Variants in KNTC1 observed in about 807,000 individuals in gnomAD.
The protein encoded by KNTC1 is kinetochore-associated protein 1.
KNTC1 carries 253 observed loss-of-function variants against 314.4 expected under a neutral mutation model. The observed-to-expected ratio is 0.80, with a 90% CI of 0.73 to 0.89. The LOEUF is 0.89. Among genes scored for constraint, KNTC1 ranks in the 40% least tolerant of loss-of-function variants. The probability of loss-of-function intolerance (pLI) is 0.00; values close to 1 mark genes in which losing one functional copy is unlikely to be tolerated. For synonymous variants in KNTC1, 901 were observed against 901.4 expected (o/e 1.00, Z 0.01); for missense variants, 2,475 against 2,572.9 (o/e 0.96, Z 0.82).
At chr12:122,621,814 C>T in intron 60 of KNTC1, 67 bp from the exon 61 acceptor site, 1 of 1,023,372 alleles carries the variant, frequency 9.8e-7, no homozygotes, top group South Asian at 1.4e-5. Context: ...AATACCTGAT[C>T]AACGGCTCTT....
Position 122,575,853 on chromosome 12 carries a change from G to A in KNTC1, c.2540G>A (p.Arg847Gln), listed in dbSNP as rs769739544. 9.9e-6 allele frequency: 16 copies of A among 1,613,448 alleles called. No homozygotes were observed. Among genetic ancestry groups the A allele is most frequent in the Admixed American group, 1.7e-5 (1 of 59,942 alleles). The change falls in exon 29 of 64, where the codon CGA becomes CAA. Residue 847 changes from arginine (R) to glutamine (Q), a missense_variant. By Grantham distance (43) the Arg-to-Gln change is conservative. Transcript: ENST00000333479. ...YKLMEMKKLLRGYGIREVNLL... is the reference protein window; with the variant it reads ...YKLMEMKKLLQGYGIREVNLL... ...CTAATGGAGATGAAAAAACTTTTAC[G>A]AGGCTATGGAATAAGAGAGGTAAAT...
intron 63 of KNTC1, among the ~76,000 whole-genome samples, chr12:122,624,975 G>A (rs567187579): frequency 6.6e-6 from 1 of 152,250 alleles, no homozygotes; most frequent in South Asian, 2.1e-4. Flanking sequence ...TTCCTCATAA[G>A]GTGGTGTTTT....
At chr12:122,573,088 A>G (rs916797884) in intron 25 of KNTC1, 32 bp downstream of exon 25, 37 of 1,613,196 alleles carry the variant, frequency 2.3e-5, no homozygotes, top group Non-Finnish European at 3.0e-5. Flanking sequence ...ATTATTTTGT[A>G]TATCAAGTTA....
chr12:122,607,194 G>A (rs533421439), intron 51 of KNTC1, among the ~76,000 whole-genome samples: 3 of 152,218 alleles, frequency 2.0e-5, no homozygotes, highest in Middle Eastern at 6.8e-3. Context: ...CTCCCAAGTA[G>A]CTGGGATTAC....
intron 1 of KNTC1, among the ~76,000 whole-genome samples, chr12:122,527,852 C>G (rs1295984576): frequency 1.3e-5 from 2 of 152,192 alleles, no homozygotes; most frequent in African/African-American, 4.8e-5. Context: ...GGTCTCAGCT[C>G]AGATGTCACC....
At chr12:122,608,045 C>A (rs1476333851) in intron 51 of KNTC1, among the ~76,000 whole-genome samples, 1 of 152,142 alleles carries the variant, frequency 6.6e-6, no homozygotes, top group African/African-American at 2.4e-5. Context: ...ATTCCTATAT[C>A]CACCTAGGCA....
rs563043735 is a variant in KNTC1, at chr12:122,535,164, T to C, written c.250+380T>C. On this transcript the variant is annotated intron_variant, in intron 3 of 63. Transcript: ENST00000333479. ...AATTAATAGCTCTCTAAAAATCCTT[T>C]AACATACTTATGAATTAATTCTTCA... is the stretch of plus-strand genomic sequence containing the variant. Among the ~76,000 whole-genome samples the C allele has an allele frequency of 3.3e-5, 5 of 152,346 alleles. No homozygotes were observed. The South Asian group carries it at 1.0e-3, about 32-fold the overall frequency.
chr12:122,616,718 C>G (rs1380451905), intron 57 of KNTC1, among the ~76,000 whole-genome samples: 5 of 152,134 alleles, frequency 3.3e-5, no homozygotes, highest in African/African-American at 1.2e-4. Flanking sequence ...ACATGTAGAT[C>G]TATCTAATTG....
chr12:122,540,108 A>G (rs1367955101), intron 5 of KNTC1, among the ~76,000 whole-genome samples: 1 of 151,608 alleles, frequency 6.6e-6, no homozygotes, highest in South Asian at 2.1e-4. Flanking sequence ...CTAATATCCA[A>G]TCAAAAATTC....
intron 8 of KNTC1, 67 bp from the exon 9 acceptor site, chr12:122,546,109 C>G: frequency 1.1e-6 from 1 of 892,874 alleles, no homozygotes; most frequent in Non-Finnish European, 1.9e-6. Context: ...TTACATGTTT[C>G]TACTTTGAGG....
chr12:122,583,007 T>C, intron 34 of KNTC1, 22 bp downstream of exon 34: 1 of 1,580,648 alleles, frequency 6.3e-7, no homozygotes. Flanking sequence ...GATCCCTGAA[T>C]TGCATAGCTT....
At chr12:122,563,065 A>G (rs1047340499) in intron 20 of KNTC1, among the ~76,000 whole-genome samples, 8 of 152,014 alleles carry the variant, frequency 5.3e-5, no homozygotes, top group African/African-American at 1.7e-4. Context: ...TTGGAATGTC[A>G]TAACAGGTAT....
At chr12:122,528,297 C>CA in intron 1 of KNTC1, among the ~76,000 whole-genome samples, 1 of 152,312 alleles carries the variant, frequency 6.6e-6, no homozygotes, top group Non-Finnish European at 1.5e-5. Flanking sequence ...CTCTATTCTC[C>CA]AAACATGTTT....
chr12:122,534,715 A>G lies in KNTC1; in HGVS notation c.181A>G (p.Ile61Val), dbSNP rs139484580. The change falls in exon 3 of 64, where the codon ATT becomes GTT. Residue 61 changes from isoleucine to valine, a missense_variant. Physicochemically the swap from Ile to Val is conservative, Grantham distance 29. Transcript: ENST00000333479. ...ATGCAGCTTAAGTGATGGGTTTATT[A>G]TTGTAGCCGACCAATCAGTGATATT... ...QACSLSDGFI[I>V]VADQSVILLD... is the part of the protein sequence containing the mutation. 3.9e-4 allele frequency: 623 copies of G among 1,611,134 alleles called. No homozygotes were observed. In the African/African-American group the frequency reaches 7.2e-3, roughly 19 times the overall value.
In KNTC1 at chr12:122,594,384, A is replaced by G; in HGVS notation, c.4354A>G (p.Ser1452Gly). 6.6e-7 allele frequency: 1 copy of G among 1,510,762 alleles called. No homozygotes were observed. Among genetic ancestry groups the G allele is most frequent in the Non-Finnish European group, 9.2e-7 (1 of 1,091,462 alleles). The allele number at this position is 1,510,762 out of a possible 1,614,324, so 93.6% of individuals were successfully genotyped here. A position where few individuals can be genotyped will look rare whatever the true frequency, so the allele number is the denominator to read the frequency against. ...CACAAGCCTCATTTTGGAATATTGC[A>G]GGTAATTCTTTAAACATTAACGGTA... ...MDTSLILEYCSTFQLDCDAVL... is the reference protein window; with the variant it reads ...MDTSLILEYCGTFQLDCDAVL... The change falls in exon 43 of 64, where the codon AGC becomes GGC. Residue 1452 changes from serine to glycine, a missense_variant and splice_region_variant. By Grantham distance (56) the Ser-to-Gly change is moderately conservative. Transcript: ENST00000333479.
chr12:122,531,925 G>A (rs1304074844), intron 2 of KNTC1, among the ~76,000 whole-genome samples: 2 of 151,760 alleles, frequency 1.3e-5, no homozygotes, highest in Non-Finnish European at 2.9e-5. Flanking sequence ...AGTAGAGACG[G>A]GGTTTCACCA....
chr12:122,603,047 C>G lies in KNTC1; in HGVS notation c.4905C>G (p.Tyr1635Ter), dbSNP rs1419058716. 2 of 1,613,490 alleles carry G rather than the reference C, an allele frequency of 1.2e-6. No individual in the cohort carries two copies. The highest frequency in any genetic ancestry group is 1.3e-5 in the African/African-American group (1 of 75,022). The stretch of plus-strand genomic sequence containing the variant: ...TGAAGTTCTCTCTGGACACTCTGTA[C>G]GTGTCTACAGCAAAACACGTTTTCG... Reference protein sequence around the residue: ...KLMKFSLDTLYVSTAKHVFEK... With the variant: ...KLMKFSLDTL The change falls in exon 48 of 64, where the codon TAC becomes TAG. Residue 1635 changes from tyrosine to a stop codon, truncating the protein, a stop_gained. Coordinates refer to ENST00000333479, the MANE Select transcript of KNTC1 (RefSeq NM_014708.6). LOFTEE classifies it high-confidence loss of function.
intron 6 of KNTC1, among the ~76,000 whole-genome samples, chr12:122,543,256 G>A (rs936598853): frequency 1.3e-5 from 2 of 152,120 alleles, no homozygotes; most frequent in East Asian, 1.9e-4. Context: ...CCTGTGCTAC[G>A]TCTTGGGTAT....
intron 48 of KNTC1, 39 bp downstream of exon 48, chr12:122,603,282 A>AG: frequency 7.4e-7 from 1 of 1,354,626 alleles, no homozygotes. Context: ...TAAAAAAAAA[A>AG]AAAAAGTACT....
Sources: gnomAD v4.1 joint callset for allele counts (sites outside exome capture counted in the v4.1 genomes callset) on GRCh38, gnomAD v4.1.1 for gene constraint, MANE v1.5 for transcripts, NCBI Gene and HGNC (gene_info 2026-07-23, HGNC 2026-07-21) for gene names.